The following PCID2 variants were observed in gnomAD, a reference collection of about 807,000 sequenced individuals.
The protein encoded by PCID2 is PCI domain containing 2.
A neutral mutation model predicts 61.3 loss-of-function variants in PCID2; 41 were observed. The ratio of observed to expected loss-of-function variants is 0.67; its 90% CI spans 0.52 to 0.87. The LOEUF (loss-of-function observed/expected upper bound fraction) is 0.87. PCID2 is among the 40% of genes least tolerant of loss of function. The pLI is 0.00. For missense variants in PCID2, 392 were observed against 493.4 expected, an observed-to-expected ratio of 0.79 and a Z score of 1.95; for synonymous variants, 187 against 177.8, an observed-to-expected ratio of 1.05 and a Z score of -0.41.
At chr13:113,184,173 A>G in intron 9 of PCID2, 173 bp downstream of exon 9, 1 of 422,152 alleles carries the variant, frequency 2.4e-6, no homozygotes, top group Non-Finnish European at 3.2e-6. Flanking sequence ...TGGATTAAGA[A>G]TCTTCAATAT....
chr13:113,194,566 A>C (rs886870326), intron 6 of PCID2, among the ~76,000 whole-genome samples: 1 of 152,142 alleles, frequency 6.6e-6, no homozygotes, highest in African/African-American at 2.4e-5. Flanking sequence ...TAAAACTGTA[A>C]AGGGGTCGTC....
downstream of PCID2, among the ~76,000 whole-genome samples, chr13:113,174,520 G>C (rs991211283): frequency 7.2e-5 from 11 of 152,092 alleles, no homozygotes; most frequent in Admixed American, 2.0e-4. Flanking sequence ...TTTGAGACAG[G>C]GTCTCTGTCT....
At chr13:113,187,629 C>G (rs1318499423) in intron 7 of PCID2, 1 of 152,158 alleles carries the variant, frequency 6.6e-6, no homozygotes, top group Admixed American at 6.5e-5. Context: ...CATGCACTTA[C>G]TGGTCACTTG....
chr13:113,191,072 A>G, intron 6 of PCID2, 97 bp from the exon 7 acceptor site: 1 of 725,060 alleles, frequency 1.4e-6, no homozygotes, highest in South Asian at 1.9e-5. Context: ...ACCTCACTGC[A>G]GCCTCAACCT....
chr13:113,165,282 C>G, the PCID2 span: 1 of 727,212 alleles, frequency 1.4e-6, no homozygotes, highest in Non-Finnish European at 2.4e-6. Flanking sequence ...CAACCATGTT[C>G]TAATGCCGAG....
chr13:113,177,172 T>C (rs1193733458), downstream of PCID2, among the ~76,000 whole-genome samples: 5 of 152,220 alleles, frequency 3.3e-5, no homozygotes, highest in African/African-American at 1.2e-4. Flanking sequence ...AGTTTCGCTC[T>C]TGTTGCCCAG....
At chr13:113,196,443 C>T (rs945479773) in intron 4 of PCID2, among the ~76,000 whole-genome samples, 1 of 152,214 alleles carries the variant, frequency 6.6e-6, no homozygotes, top group Non-Finnish European at 1.5e-5. Context: ...TTCATACACA[C>T]TGTCTCCTAA....
chr13:113,201,731 G>A (rs1349073375), intron 1 of PCID2, among the ~76,000 whole-genome samples: 2 of 146,888 alleles, frequency 1.4e-5, no homozygotes, highest in South Asian at 2.1e-4. Context: ...AGAATGGCGC[G>A]AACCCAGGAG....
intron 1 of PCID2, among the ~76,000 whole-genome samples, chr13:113,204,126 G>T (rs2039628037): frequency 6.6e-6 from 1 of 152,248 alleles, no homozygotes; most frequent in African/African-American, 2.4e-5. Flanking sequence ...ATGGTTCCAG[G>T]CACTCCAGGC....
At chr13:113,189,541 TA>T (rs1264816144) in intron 7 of PCID2, among the ~76,000 whole-genome samples, 3 of 152,334 alleles carry the variant, frequency 2.0e-5, no homozygotes, top group African/African-American at 7.2e-5. Context: ...TAAAATTTCC[TA>T]AATCTCATAA....
the PCID2 span, among the ~76,000 whole-genome samples, chr13:113,169,632 C>G: frequency 6.6e-6 from 1 of 152,226 alleles, no homozygotes; most frequent in East Asian, 1.9e-4. Flanking sequence ...GGGCAGCGCT[C>G]AAGTCTAGAG....
chr13:113,189,680 G>A (rs2038429059), intron 7 of PCID2, among the ~76,000 whole-genome samples: 1 of 148,036 alleles, frequency 6.8e-6, no homozygotes, highest in Admixed American at 6.8e-5. Flanking sequence ...CAGTCAACTT[G>A]TAAGCAGGTC....
At chr13:113,188,712 C>A (rs1016855658) in intron 7 of PCID2, 2 of 152,182 alleles carry the variant, frequency 1.3e-5, no homozygotes, top group Non-Finnish European at 2.9e-5. Context: ...TTCAAGAAAC[C>A]CTCTATTTCA....
chr13:113,184,603 A>G, intron 8 of PCID2, 116 bp from the exon 9 acceptor site: 1 of 646,956 alleles, frequency 1.5e-6, no homozygotes, highest in Non-Finnish European at 2.7e-6. Flanking sequence ...ATATCATAAC[A>G]ATTATTTATA....
intron 4 of PCID2, 120 bp downstream of exon 4, chr13:113,197,058 C>G (rs2039067854): frequency 6.2e-7 from 1 of 1,614,110 alleles, no homozygotes; most frequent in South Asian, 1.1e-5. Flanking sequence ...TTCCAAAACA[C>G]TGTCATTCCT....
intron 2 of PCID2, 68 bp downstream of exon 2, chr13:113,200,359 C>A: frequency 1.1e-6 from 1 of 898,802 alleles, no homozygotes. Context: ...AAACTCTACG[C>A]TTCTCTTAGG....
chr13:113,172,124 G>A, the PCID2 span: 4 of 1,611,416 alleles, frequency 2.5e-6, no homozygotes, highest in Admixed American at 3.3e-5. Flanking sequence ...CAGCTAGCCA[G>A]AATGAACAAC....
At chr13:113,184,002 C>T in intron 9 of PCID2, 1 of 985,286 alleles carries the variant, frequency 1.0e-6, no homozygotes, top group Non-Finnish European at 1.2e-6. Flanking sequence ...TCCTAATCTC[C>T]ATTTCCTATG....
Position 113,179,805 on chromosome 13 carries a change from T to C in PCID2, c.986+112A>G. The C allele has an allele frequency of 9.3e-7, 1 of 1,077,752 alleles. No individual in the cohort carries two copies. The highest frequency in any genetic ancestry group is 1.6e-5 in the South Asian group (1 of 61,982). 66.8% of individuals were successfully genotyped at this position (1,077,752 alleles called of 1,614,324 possible). A position where few individuals can be genotyped will look rare whatever the true frequency, so the allele number is the denominator to read the frequency against. ...TTTATCCCACACAATGGAAGGAAGA[T>C]AACGACCCCACCCACACGGTGGCCT... On this transcript the variant is annotated intron_variant, in intron 12 of 13. Transcript: ENST00000337344. This position sits in a 1 kb window ranked among gnomAD's most constrained non-coding sequence, Gnocchi z 4.3.
Sources: gnomAD v4.1 joint callset for allele counts (sites outside exome capture counted in the v4.1 genomes callset) on GRCh38, gnomAD v4.1.1 for gene constraint, Gnocchi (gnomAD v3.1) non-coding constraint, MANE v1.5 for transcripts, NCBI Gene and HGNC (gene_info 2026-07-23, HGNC 2026-07-21) for gene names.